Variants in PDE11A observed in about 807,000 individuals in gnomAD.
The protein encoded by PDE11A is phosphodiesterase 11A.
Under a neutral mutation model 100.5 loss-of-function variants are expected in PDE11A, and 100 were observed. The ratio of observed to expected loss-of-function variants is 1.00; its 90% CI spans 0.85 to 1.18. The LOEUF (loss-of-function observed/expected upper bound fraction) is 1.18, where lower values mean the gene tolerates loss of function less well. Ranked by LOEUF, PDE11A falls within the 50% of genes most tolerant of loss-of-function variation. The pLI, the probability that PDE11A is intolerant of heterozygous loss-of-function variation, is 0.00. For missense variants in PDE11A, 1,141 were observed against 1,152.6 expected (o/e 0.99, Z 0.15); for synonymous variants, 381 against 420.8 (o/e 0.91, Z 1.16).
At chr2:177,877,523 A>G (rs909202334) in intron 4 of PDE11A, among the ~76,000 whole-genome samples, 2 of 152,132 alleles carry the variant, frequency 1.3e-5, no homozygotes, top group Non-Finnish European at 2.9e-5. Context: ...GTGCCCTCAG[A>G]AGAACAGATG....
intron 10 of PDE11A, among the ~76,000 whole-genome samples, chr2:177,764,586 G>C (rs185805257): frequency 3.1e-4 from 47 of 152,262 alleles, no homozygotes; most frequent in African/African-American, 1.1e-3. Context: ...GGCATCTTTA[G>C]GTTATTGAAA....
chr2:177,767,457 C>T (rs2082254888), intron 10 of PDE11A, among the ~76,000 whole-genome samples: 1 of 152,018 alleles, frequency 6.6e-6, no homozygotes, highest in African/African-American at 2.4e-5. Context: ...CTTGCCTACC[C>T]CACCCTCTTT....
intron 2 of PDE11A, chr2:177,998,706 C>T (rs1315006954): frequency 4.7e-6 from 5 of 1,064,118 alleles, no homozygotes; most frequent in African/African-American, 1.5e-5. Context: ...TTTATGCTGG[C>T]CCACTCGCTC....
chr2:177,816,820 T>A lies in PDE11A; in HGVS notation c.1737+9A>T. ...CAGCATACAAACCTGACATAAACACTGTACTTACATCAAGAGCCACAGACT... is the reference window on the plus strand; with the variant it reads ...CAGCATACAAACCTGACATAAACACAGTACTTACATCAAGAGCCACAGACT... On this transcript the variant is annotated intron_variant, in intron 9 of 19. Coordinates refer to ENST00000286063, the MANE Select transcript of PDE11A (RefSeq NM_016953.4). 6.7e-7 allele frequency: 1 copy of A among 1,501,932 alleles called. No homozygotes were observed. Among genetic ancestry groups the A allele is most frequent in the Non-Finnish European group, 9.3e-7 (1 of 1,077,638 alleles). The allele number at this position is 1,501,932 out of a possible 1,614,324, so 93.0% of individuals were successfully genotyped here.
At chr2:178,037,526 T>C (rs934629341) in intron 1 of PDE11A, among the ~76,000 whole-genome samples, 5 of 152,226 alleles carry the variant, frequency 3.3e-5, no homozygotes, top group Admixed American at 6.5e-5. Context: ...ACTGGGTATA[T>C]ACCCAAAGGA....
At chr2:177,866,659 T>A (rs1460326776) in intron 5 of PDE11A, among the ~76,000 whole-genome samples, 2 of 152,240 alleles carry the variant, frequency 1.3e-5, no homozygotes, top group Non-Finnish European at 2.9e-5. Context: ...TGTGTCTGCA[T>A]GTGTCTCTGG....
intron 19 of PDE11A, among the ~76,000 whole-genome samples, chr2:177,655,842 C>T (rs189004527): frequency 6.6e-6 from 1 of 152,204 alleles, no homozygotes. Flanking sequence ...TATAATTTCT[C>T]GAAATCATAT....
intron 4 of PDE11A, among the ~76,000 whole-genome samples, chr2:177,896,201 T>C (rs1287705714): frequency 6.6e-6 from 1 of 152,146 alleles, no homozygotes; most frequent in Non-Finnish European, 1.5e-5. Flanking sequence ...AGATGGTGTA[T>C]TTTGATCACT....
intron 2 of PDE11A, among the ~76,000 whole-genome samples, chr2:177,942,828 T>C (rs1015631424): frequency 1.3e-5 from 2 of 152,324 alleles, no homozygotes; most frequent in Admixed American, 6.5e-5. Context: ...AGAACTTTTA[T>C]CTCTTGCAAA....
At chr2:177,886,862 G>C (rs1465809569) in intron 4 of PDE11A, among the ~76,000 whole-genome samples, 4 of 152,128 alleles carry the variant, frequency 2.6e-5, no homozygotes, top group Non-Finnish European at 5.9e-5. Context: ...GAGAAGAAAA[G>C]GAGAGGGAAA....
intron 2 of PDE11A, among the ~76,000 whole-genome samples, chr2:178,002,160 C>T (rs922703161): frequency 6.6e-6 from 1 of 152,146 alleles, no homozygotes; most frequent in Non-Finnish European, 1.5e-5. Context: ...AAAGTGAAAA[C>T]ATGCATTATT....
intron 2 of PDE11A, among the ~76,000 whole-genome samples, chr2:177,970,864 G>A (rs577039437): frequency 4.1e-4 from 62 of 152,286 alleles, no homozygotes; most frequent in Admixed American, 1.1e-3. Flanking sequence ...CTTACAGCAT[G>A]GAGTCATAGC....
intron 14 of PDE11A, 71 bp downstream of exon 14, chr2:177,701,050 G>C: frequency 1.1e-6 from 1 of 872,036 alleles, no homozygotes; most frequent in Non-Finnish European, 2.0e-6. Flanking sequence ...GCACCACAAA[G>C]GAAGAGAGGG....
chr2:177,676,957 C>G (rs73042837), intron 16 of PDE11A, among the ~76,000 whole-genome samples: 7,957 of 152,230 alleles, frequency 0.052, 684 homozygotes, highest in African/African-American at 0.18. Flanking sequence ...TATCACAAAG[C>G]TACCAGATGC....
chr2:178,098,702 A>G (rs1406616970), intron 2 of PDE11A, among the ~76,000 whole-genome samples: 2 of 151,930 alleles, frequency 1.3e-5, no homozygotes, highest in Non-Finnish European at 2.9e-5. Context: ...GTGAACATAC[A>G]TAATTTCCTT....
intron 6 of PDE11A, among the ~76,000 whole-genome samples, chr2:177,832,202 T>G (rs766173717): frequency 1.6e-4 from 24 of 152,236 alleles, no homozygotes; most frequent in Non-Finnish European, 3.1e-4. Flanking sequence ...CTTGATTGGA[T>G]TCCAGGATGC....
chr2:177,954,986 C>T (rs1388444906), intron 2 of PDE11A, among the ~76,000 whole-genome samples: 2 of 152,162 alleles, frequency 1.3e-5, no homozygotes, highest in Admixed American at 6.5e-5. Flanking sequence ...AAGCAATATT[C>T]TCCTAACCTA....
chr2:178,040,480 T>G (rs1200631282), intron 1 of PDE11A, among the ~76,000 whole-genome samples: 1 of 152,226 alleles, frequency 6.6e-6, no homozygotes, highest in Non-Finnish European at 1.5e-5. Context: ...TTAAAGGCAA[T>G]GGACAATATA....
chr2:177,821,851 G>T (rs1179008203), intron 6 of PDE11A, among the ~76,000 whole-genome samples: 1 of 151,796 alleles, frequency 6.6e-6, no homozygotes, highest in Non-Finnish European at 1.5e-5. Context: ...TAATGAAGTT[G>T]AGCAACTTTT....
Sources: gnomAD v4.1 joint callset for allele counts (sites outside exome capture counted in the v4.1 genomes callset) on GRCh38, gnomAD v4.1.1 for gene constraint, MANE v1.5 for transcripts, NCBI Gene and HGNC (gene_info 2026-07-23, HGNC 2026-07-21) for gene names.